PCP4L1: variants seen among roughly 807,000 people sequenced by gnomAD.
PCP4L1 encodes Purkinje cell protein 4-like protein 1.
PCP4L1 carries 9 observed loss-of-function variants against 9.6 expected under a neutral mutation model. The ratio of observed to expected loss-of-function variants is 0.94; its 90% CI spans 0.57 to 1.64. The LOEUF is 1.64. PCP4L1 is among the 40% of genes most tolerant of loss of function. The pLI, the probability that PCP4L1 is intolerant of heterozygous loss-of-function variation, is 0.00. For missense variants in PCP4L1, 81 were observed against 80.8 expected, an observed-to-expected ratio of 1.00 and a Z score of -0.01; for synonymous variants, 31 against 28.2, an observed-to-expected ratio of 1.10 and a Z score of -0.31.
chr1:161,268,264 G>GAAA (rs144358911), intron 1 of PCP4L1, among the ~76,000 whole-genome samples: 1 of 150,246 alleles, frequency 6.7e-6, no homozygotes, highest in Non-Finnish European at 1.5e-5. Context: ...TTTAGAAGGG[G>GAAA]AAAAAAAAAA....
chr1:161,261,738 T>G (rs571574642), intron 1 of PCP4L1, among the ~76,000 whole-genome samples: 1 of 152,352 alleles, frequency 6.6e-6, no homozygotes, highest in Non-Finnish European at 1.5e-5. Flanking sequence ...ATGGGAGTCA[T>G]GGACCATTGG....
intron 1 of PCP4L1, among the ~76,000 whole-genome samples, chr1:161,263,899 C>CTTTTTTTTTTT (rs1160429112): frequency 1.4e-5 from 1 of 70,768 alleles, no homozygotes; most frequent in Non-Finnish European, 2.6e-5. Flanking sequence ...ACTTTCTTTC[C>CTTTTTTTTTTT]TTTTTTTTTT....
intron 1 of PCP4L1, among the ~76,000 whole-genome samples, chr1:161,263,657 C>G (rs998394241): frequency 6.6e-6 from 1 of 151,196 alleles, no homozygotes; most frequent in Non-Finnish European, 1.5e-5. Context: ...TCATGGCTCA[C>G]TGCAGCCTCA....
In PCP4L1 at chr1:161,258,946, C is replaced by T. The variant is rs1275478922; in HGVS notation, c.-29C>T. 6.5e-7 allele frequency: 1 copy of T among 1,534,700 alleles called. No homozygotes were observed. The highest frequency in any genetic ancestry group is 8.7e-7 in the Non-Finnish European group (1 of 1,146,132). On this transcript the variant is annotated 5_prime_UTR_variant, in exon 1 of 3. Coordinates refer to ENST00000504449, the MANE Select transcript of PCP4L1 (RefSeq NM_001102566.2). ...CCACTCGCCTCACCTGTGCGTGCAG[C>T]GCCTCGCGCGCCCTGTCCGGCTGCG...
In PCP4L1 at chr1:161,273,144, C is replaced by T. The variant is rs1669648764; in HGVS notation, c.10-10524C>T. On this transcript the variant is annotated intron_variant, in intron 1 of 2. Transcript: ENST00000504449. ...TACTCATGGGGAATTGGCAGTATCA[C>T]CAAGATGATGGAATGGAACACTGGT... is the stretch of plus-strand genomic sequence containing the variant. Among the ~76,000 whole-genome samples the T allele has an allele frequency of 2.0e-5, 3 of 152,172 alleles. No individual in the cohort carries two copies. In the South Asian group the frequency reaches 6.2e-4, roughly 32 times the overall value.
chr1:161,278,844 G>A (rs572839875), intron 1 of PCP4L1, among the ~76,000 whole-genome samples: 4 of 151,758 alleles, frequency 2.6e-5, no homozygotes, highest in East Asian at 2.0e-4. Flanking sequence ...GTGCAGTGGC[G>A]CAATCTCAGC....
At chr1:161,270,569 C>CAAAACAAAA (rs1553257228) in intron 1 of PCP4L1, among the ~76,000 whole-genome samples, 1 of 116,622 alleles carries the variant, frequency 8.6e-6, no homozygotes, top group East Asian at 2.6e-4. Context: ...ACCCCAGGCT[C>CAAAACAAAA]AAAAAAAAAA....
At chr1:161,276,043 C>T (rs1303100246) in intron 1 of PCP4L1, among the ~76,000 whole-genome samples, 3 of 152,246 alleles carry the variant, frequency 2.0e-5, no homozygotes, top group Admixed American at 2.0e-4. Context: ...GATCCGCCTG[C>T]TTCGGCCTCC....
chr1:161,269,166 G>T (rs1225160604), intron 1 of PCP4L1, among the ~76,000 whole-genome samples: 1 of 152,202 alleles, frequency 6.6e-6, no homozygotes, highest in African/African-American at 2.4e-5. Context: ...CAAGACATGG[G>T]TTGTAGTTAT....
At chr1:161,276,169 A>G (rs1315280925) in intron 1 of PCP4L1, among the ~76,000 whole-genome samples, 3 of 152,116 alleles carry the variant, frequency 2.0e-5, no homozygotes, top group African/African-American at 7.2e-5. Flanking sequence ...CTCAGTAACT[A>G]TTGGGACATT....
intron 1 of PCP4L1, among the ~76,000 whole-genome samples, chr1:161,281,532 CCCGGACGGGGCAGCTGG>C (rs1239639492): frequency 6.6e-6 from 1 of 151,104 alleles, no homozygotes; most frequent in East Asian, 2.0e-4. Context: ...CCACCTCCCT[CCCGGACGGGGCAGCTGG>C]CCGGGCGGGG....
rs528194565 is a variant in PCP4L1, at chr1:161,278,278, G to A, written c.10-5390G>A. 9.2e-5 allele frequency among the ~76,000 whole-genome samples: 14 copies of A among 152,234 alleles called. 1 individual carries two copies. The South Asian group carries it at 2.7e-3, about 29-fold the overall frequency. ...TATTTTACCATGAAACTTGTCTCAA[G>A]TCTTAGTATTTCCTATTATCTCCAT... On this transcript the variant is annotated intron_variant, in intron 1 of 2. Transcript: ENST00000504449.
At chr1:161,261,864 C>T (rs1040275734) in intron 1 of PCP4L1, among the ~76,000 whole-genome samples, 2 of 152,134 alleles carry the variant, frequency 1.3e-5, no homozygotes, top group Middle Eastern at 3.2e-3. Flanking sequence ...CTTCATTATC[C>T]TGTTTGCTCT....
At chr1:161,283,216 A>G (rs1046356671) in intron 1 of PCP4L1, among the ~76,000 whole-genome samples, 7 of 152,288 alleles carry the variant, frequency 4.6e-5, no homozygotes, top group Admixed American at 3.3e-4. Flanking sequence ...CCAGATATCT[A>G]TGAGCCTTAC....
Position 161,273,489 on chromosome 1 carries a change from C to T in PCP4L1, c.10-10179C>T, listed in dbSNP as rs1351436818. ...GTCCTATGTGGGCAGTGAGGCTGAA[C>T]GAACCAAGCTCCAAGCTCACTAGAA... On this transcript the variant is annotated intron_variant, in intron 1 of 2. Coordinates refer to ENST00000504449, the MANE Select transcript of PCP4L1 (RefSeq NM_001102566.2). Among the ~76,000 whole-genome samples, 20 of 152,106 alleles carry T rather than the reference C, an allele frequency of 1.3e-4. 1 individual carries two copies. The South Asian group carries it at 1.9e-3, about 14-fold the overall frequency.
At chr1:161,259,022 G>A (rs958329293) in intron 1 of PCP4L1, 39 bp downstream of exon 1, 9 of 1,525,364 alleles carry the variant, frequency 5.9e-6, no homozygotes, top group Non-Finnish European at 7.9e-6. Flanking sequence ...GCAGGGCTGC[G>A]GCGGGGAGGG....
intron 1 of PCP4L1, among the ~76,000 whole-genome samples, chr1:161,262,714 T>C (rs1424104538): frequency 2.0e-5 from 3 of 152,110 alleles, no homozygotes; most frequent in African/African-American, 7.2e-5. Flanking sequence ...ATGGCTGAAG[T>C]CCAAGTGCAC....
At chr1:161,270,736 A>C (rs564878759) in intron 1 of PCP4L1, among the ~76,000 whole-genome samples, 165 of 152,098 alleles carry the variant, frequency 1.1e-3, no homozygotes, top group Non-Finnish European at 2.0e-3. Flanking sequence ...TTAGCTGGGC[A>C]TGGTGGCATG....
At chr1:161,265,006 G>A (rs2501880) in intron 1 of PCP4L1, among the ~76,000 whole-genome samples, 19,500 of 152,138 alleles carry the variant, frequency 0.13, 1,528 homozygotes, top group African/African-American at 0.21. Flanking sequence ...AAAAATGGGT[G>A]CAGAAAATTG....
Sources: allele counts gnomAD v4.1 joint callset (sites outside exome capture counted in the v4.1 genomes callset), GRCh38; gene constraint gnomAD v4.1.1; transcripts MANE v1.5; gene names NCBI Gene and HGNC (gene_info 2026-07-23, HGNC 2026-07-21).